Variants in EYS observed in about 807,000 individuals in gnomAD.
The protein encoded by EYS is protein eyes shut homolog.
EYS carries 250 observed loss-of-function variants against 282.1 expected under a neutral mutation model. The ratio of observed to expected loss-of-function variants is 0.89; its 90% CI spans 0.80 to 0.98. The LOEUF is 0.98. Among genes scored for constraint, EYS ranks in the 50% least tolerant of loss-of-function variants. EYS has a pLI of 0.00. For synonymous variants in EYS, 1,355 were observed against 1,282.9 expected, an observed-to-expected ratio of 1.06 and a Z score of -1.20; for missense variants, 4,016 against 3,709.0, an observed-to-expected ratio of 1.08 and a Z score of -2.15.
At chr6:64,463,205 C>T (rs1445650927) in intron 26 of EYS, among the ~76,000 whole-genome samples, 4 of 152,086 alleles carry the variant, frequency 2.6e-5, no homozygotes, top group Admixed American at 6.5e-5. Context: ...CCCCTCTAGG[C>T]CTCCCAAAGT....
At chr6:64,933,300 A>G (rs1428852084) in intron 15 of EYS, among the ~76,000 whole-genome samples, 1 of 152,112 alleles carries the variant, frequency 6.6e-6, no homozygotes, top group African/African-American at 2.4e-5. Flanking sequence ...AGAGAAAAAC[A>G]ACGTCATCAA....
intron 31 of EYS, among the ~76,000 whole-genome samples, chr6:64,175,387 T>C (rs1047661542): frequency 5.0e-4 from 76 of 152,070 alleles, no homozygotes; most frequent in African/African-American, 1.8e-3. Context: ...GGGAAGATAG[T>C]AGTAAAGAAG....
At chr6:65,051,458 C>A (rs909642505) in intron 13 of EYS, among the ~76,000 whole-genome samples, 1 of 151,500 alleles carries the variant, frequency 6.6e-6, no homozygotes, top group Admixed American at 6.6e-5. Context: ...ATATATGTAG[C>A]ATTCAATGTG....
intron 29 of EYS, among the ~76,000 whole-genome samples, chr6:64,373,493 A>G (rs606051): frequency 0.71 from 107,931 of 152,002 alleles, 38,450 homozygotes; most frequent in African/African-American, 0.77. Context: ...GCCTGCATGC[A>G]GAGTTTAGGT....
At chr6:63,913,388 C>A (rs78759153) in intron 35 of EYS, among the ~76,000 whole-genome samples, 14 of 152,170 alleles carry the variant, frequency 9.2e-5, no homozygotes, top group Non-Finnish European at 1.9e-4. Flanking sequence ...GCATACAGTT[C>A]AATGGTTTTT....
chr6:65,061,331 T>C (rs1773568259), intron 12 of EYS, among the ~76,000 whole-genome samples: 1 of 151,988 alleles, frequency 6.6e-6, no homozygotes, highest in African/African-American at 2.4e-5. Context: ...CAAAAGTTTC[T>C]GGGCAGACAA....
At chr6:64,798,364 T>C (rs949647307) in intron 22 of EYS, among the ~76,000 whole-genome samples, 66 of 151,884 alleles carry the variant, frequency 4.3e-4, no homozygotes, top group Admixed American at 2.0e-4. Flanking sequence ...TATCAAAAAA[T>C]ATGTTTAAAA....
At chr6:64,462,610 T>G (rs984169249) in intron 26 of EYS, among the ~76,000 whole-genome samples, 1 of 152,126 alleles carries the variant, frequency 6.6e-6, no homozygotes, top group African/African-American at 2.4e-5. Context: ...TCAATCATCA[T>G]GCTTCACCAG....
At chr6:64,604,855 G>A (rs1046735444) in intron 24 of EYS, among the ~76,000 whole-genome samples, 3 of 152,044 alleles carry the variant, frequency 2.0e-5, no homozygotes, top group African/African-American at 7.2e-5. Context: ...GTTAATACTA[G>A]AGACAGATGC....
intron 12 of EYS, among the ~76,000 whole-genome samples, chr6:65,083,267 A>G (rs1004858855): frequency 2.0e-5 from 3 of 152,074 alleles, no homozygotes; most frequent in African/African-American, 7.2e-5. Flanking sequence ...TCAGTATTCT[A>G]TGATTTACTA....
intron 31 of EYS, among the ~76,000 whole-genome samples, chr6:64,096,780 T>A (rs1430208669): frequency 6.6e-6 from 1 of 152,228 alleles, no homozygotes; most frequent in East Asian, 1.9e-4. Context: ...TCCAGCTTTG[T>A]TCCGTTGCTG....
At chr6:64,403,936 C>G (rs1410210643) in intron 28 of EYS, among the ~76,000 whole-genome samples, 1 of 152,086 alleles carries the variant, frequency 6.6e-6, no homozygotes, top group African/African-American at 2.4e-5. Context: ...GTTCGTGAAT[C>G]CAAAAATCAG....
Position 64,331,147 on chromosome 6 carries a change from C to T in EYS, c.6079-24065G>A, listed in dbSNP as rs115135530. On this transcript the variant is annotated intron_variant, in intron 29 of 42. Transcript: ENST00000503581. The stretch of plus-strand genomic sequence containing the variant: ...GCTGAGCTAATAGCTCTCACTAGAA[C>T]GTTGCTCTTGGCCAAAGGAAAGTCA... 2.5e-3 allele frequency among the ~76,000 whole-genome samples: 373 copies of T among 152,238 alleles called. 1 individual carries two copies. Among genetic ancestry groups the T allele is most frequent in the African/African-American group, 8.1e-3 (338 of 41,532 alleles).
chr6:64,183,303 TG>T (rs1218828118), intron 31 of EYS, among the ~76,000 whole-genome samples: 2 of 152,166 alleles, frequency 1.3e-5, no homozygotes, highest in African/African-American at 4.8e-5. Context: ...AGCATGAGAA[TG>T]GACTAATACA....
intron 34 of EYS, among the ~76,000 whole-genome samples, chr6:63,985,114 C>T (rs1314569684): frequency 6.6e-6 from 1 of 151,522 alleles, no homozygotes; most frequent in Non-Finnish European, 1.5e-5. Context: ...TAAGGCAAAA[C>T]TATAATCCAA....
chr6:64,517,256 G>C (rs1163077310), intron 26 of EYS, among the ~76,000 whole-genome samples: 3 of 151,732 alleles, frequency 2.0e-5, no homozygotes, highest in African/African-American at 7.3e-5. Context: ...TTTCTAGTGA[G>C]TACCAGAACA....
intron 26 of EYS, among the ~76,000 whole-genome samples, chr6:64,573,656 C>T (rs1035268674): frequency 6.6e-6 from 1 of 150,592 alleles, no homozygotes; most frequent in African/African-American, 2.4e-5. Flanking sequence ...TTTATGCAGG[C>T]AACAAACATA....
intron 30 of EYS, among the ~76,000 whole-genome samples, chr6:64,288,149 T>C (rs1053622670): frequency 3.9e-5 from 6 of 152,158 alleles, no homozygotes; most frequent in African/African-American, 7.2e-5. Flanking sequence ...GTAGATGGTG[T>C]TGGGTCTTTG....
chr6:63,997,005 T>C (rs1767866312), intron 34 of EYS, among the ~76,000 whole-genome samples: 1 of 152,226 alleles, frequency 6.6e-6, no homozygotes, highest in Non-Finnish European at 1.5e-5. Context: ...TGAAAAATAC[T>C]ATTTTGTACA....
Sources: allele counts gnomAD v4.1 joint callset (sites outside exome capture counted in the v4.1 genomes callset), GRCh38; gene constraint gnomAD v4.1.1; transcripts MANE v1.5; gene names NCBI Gene and HGNC (gene_info 2026-07-23, HGNC 2026-07-21).